PRDM16: variants seen among roughly 807,000 people sequenced by gnomAD.
PRDM16 encodes histone-lysine N-methyltransferase PRDM16.
Under a neutral mutation model 110.6 loss-of-function variants are expected in PRDM16, and 23 were observed. The observed-to-expected ratio is 0.21, with a 90% confidence interval of 0.15 to 0.29. The LOEUF is 0.29. PRDM16 is among the 10% of genes least tolerant of loss of function. The pLI, the probability that PRDM16 is intolerant of heterozygous loss-of-function variation, is 1.00. For synonymous variants in PRDM16, 799 were observed against 781.8 expected, an observed-to-expected ratio of 1.02 and a Z score of -0.37; for missense variants, 1,615 against 1,794.3, an observed-to-expected ratio of 0.90 and a Z score of 1.81.
rs1384827998 is a variant in PRDM16 at position 3,403,109 on chromosome 1, C to T, written c.884+111C>T. Reference sequence around the variant, plus strand: ...TCCTCCCCTCCCTTCCCCCGCCTCGCCCCCCAACAGGTGTAGACAAAGGGC... The same window carrying T: ...TCCTCCCCTCCCTTCCCCCGCCTCGTCCCCCAACAGGTGTAGACAAAGGGC... On this transcript the variant is annotated intron_variant, in intron 6 of 16. Coordinates refer to ENST00000270722, the MANE Select transcript of PRDM16 (RefSeq NM_022114.4). 2.1e-5 allele frequency: 20 copies of T among 965,936 alleles called. No homozygotes were observed. In the East Asian group the frequency reaches 5.3e-4, roughly 25 times the overall value. The allele number at this position is 965,936 out of a possible 1,614,324, so 59.8% of individuals were successfully genotyped here.
intron 3 of PRDM16, among the ~76,000 whole-genome samples, chr1:3,365,067 G>T (rs1184746417): frequency 2.0e-5 from 3 of 152,208 alleles, no homozygotes; most frequent in African/African-American, 7.2e-5. Flanking sequence ...TCTGAGCCAG[G>T]GACCCACTCG....
chr1:3,169,363 G>A (rs940051721), intron 1 of PRDM16, among the ~76,000 whole-genome samples: 3 of 152,104 alleles, frequency 2.0e-5, no homozygotes, highest in Non-Finnish European at 2.9e-5. Flanking sequence ...AACACCCTAC[G>A]GTTGCCATGG....
chr1:3,169,386 T>C (rs1226598307), intron 1 of PRDM16, among the ~76,000 whole-genome samples: 1 of 152,082 alleles, frequency 6.6e-6, no homozygotes, highest in Non-Finnish European at 1.5e-5. Flanking sequence ...GCCCCGTCCC[T>C]AGCGACTCTC....
intron 3 of PRDM16, among the ~76,000 whole-genome samples, chr1:3,356,271 C>T (rs1176629746): frequency 1.3e-5 from 2 of 152,168 alleles, no homozygotes; most frequent in African/African-American, 2.4e-5. Context: ...CCCCCCCCAG[C>T]CCCCCTGCGC....
chr1:3,198,080 C>T lies in PRDM16; in HGVS notation c.387+11606C>T, dbSNP rs930311251. The stretch of plus-strand genomic sequence containing the variant: ...TGCTCACAGGCCCGCTGAGGGGCAG[C>T]GACCTGAGGACAACTCCTGTGGGCT... On this transcript the variant is annotated intron_variant, in intron 2 of 16. Coordinates refer to ENST00000270722, the MANE Select transcript of PRDM16 (RefSeq NM_022114.4). Among the ~76,000 whole-genome samples, 7 of 152,196 alleles carry T rather than the reference C, an allele frequency of 4.6e-5. No homozygotes were observed. In the East Asian group the frequency reaches 7.7e-4, roughly 17 times the overall value.
chr1:3,403,556 G>C (rs960530612), intron 6 of PRDM16, among the ~76,000 whole-genome samples: 1 of 152,220 alleles, frequency 6.6e-6, no homozygotes, highest in Non-Finnish European at 1.5e-5. Flanking sequence ...AGGTGGCAGC[G>C]GACTGTCCCA....
rs74364637 is a variant in PRDM16, at chr1:3,097,801, G to A, written c.37+28505G>A. Reference sequence around the variant, plus strand: ...GAGGCAGCGCCTTCTGTTTGGCCTCGTGTAGAGAGATCCCAGGGGGGCCCA... The same window carrying A: ...GAGGCAGCGCCTTCTGTTTGGCCTCATGTAGAGAGATCCCAGGGGGGCCCA... On this transcript the variant is annotated intron_variant, in intron 1 of 16. Transcript: ENST00000270722. Among the ~76,000 whole-genome samples, 287 of 152,276 alleles carry A rather than the reference G, an allele frequency of 1.9e-3. 5 individuals carry two copies. In the East Asian group the frequency reaches 0.043, roughly 23 times the overall value.
chr1:3,202,406 C>A (rs957611603), intron 2 of PRDM16, among the ~76,000 whole-genome samples: 3 of 152,070 alleles, frequency 2.0e-5, no homozygotes, highest in African/African-American at 7.2e-5. Context: ...CTTGGCTGCC[C>A]TGTGGGGCCC....
intron 2 of PRDM16, among the ~76,000 whole-genome samples, chr1:3,226,746 A>G (rs1301872561): frequency 6.6e-6 from 1 of 152,182 alleles, no homozygotes; most frequent in Non-Finnish European, 1.5e-5. Flanking sequence ...ATTCACTTAA[A>G]TGCCGCAGAC....
intron 5 of PRDM16, among the ~76,000 whole-genome samples, chr1:3,399,671 T>C (rs1047530875): frequency 8.5e-5 from 13 of 152,242 alleles, no homozygotes; most frequent in Admixed American, 1.3e-4. Flanking sequence ...TCAGACTGCA[T>C]TCTCATTTGC....
rs1642531184 is a variant in PRDM16 at position 3,353,335 on chromosome 1, G to A, written c.439-31817G>A. Among the ~76,000 whole-genome samples the A allele has an allele frequency of 6.6e-6, 1 of 152,204 alleles. No homozygotes were observed. The highest frequency in any genetic ancestry group is 1.5e-5 in the Non-Finnish European group (1 of 68,030). ...CCTGCAGAAACCTGGCTCGGCCTGGGGGCTATGGCAGGGCCCTCATTGGGT... is the reference window on the plus strand; with the variant it reads ...CCTGCAGAAACCTGGCTCGGCCTGGAGGCTATGGCAGGGCCCTCATTGGGT... On this transcript the variant is annotated intron_variant, in intron 3 of 16. Transcript: ENST00000270722. The surrounding 1 kb of genome is among the most constrained non-coding windows in gnomAD (Gnocchi z 5.4).
chr1:3,079,189 CTG>C lies in PRDM16; in HGVS notation c.37+9896_37+9897del, dbSNP rs1185548728. On this transcript the variant is annotated intron_variant, in intron 1 of 16. Transcript: ENST00000270722. ...CTGCCCGGGCCTGTTTGGCCTCAGACTGTGCTCCCGAGTGAAGGCCGTGATGG... is the reference window on the plus strand; with the variant it reads ...CTGCCCGGGCCTGTTTGGCCTCAGACTGCTCCCGAGTGAAGGCCGTGATGG... Among the ~76,000 whole-genome samples the C allele has an allele frequency of 2.0e-5, 3 of 152,368 alleles. No individual in the cohort carries two copies. In the East Asian group the frequency reaches 5.8e-4, roughly 29 times the overall value.
chr1:3,097,903 G>A (rs1055034528), intron 1 of PRDM16, among the ~76,000 whole-genome samples: 1 of 152,100 alleles, frequency 6.6e-6, no homozygotes. Flanking sequence ...AAAGACCCAG[G>A]AGGCAGAATT....
chr1:3,368,390 C>A (rs1425727836), intron 3 of PRDM16, among the ~76,000 whole-genome samples: 1 of 152,164 alleles, frequency 6.6e-6, no homozygotes, highest in Non-Finnish European at 1.5e-5. Flanking sequence ...TCTGGCTGGG[C>A]CCCGGGCAGG....
rs1239257142 is a variant in PRDM16, at chr1:3,148,104, G to A, written c.38-38021G>A. Among the ~76,000 whole-genome samples, 1 of 152,106 alleles carries A rather than the reference G, an allele frequency of 6.6e-6. No individual in the cohort carries two copies. Among genetic ancestry groups the A allele is most frequent in the Non-Finnish European group, 1.5e-5 (1 of 68,016 alleles). On this transcript the variant is annotated intron_variant, in intron 1 of 16. Coordinates refer to ENST00000270722, the MANE Select transcript of PRDM16 (RefSeq NM_022114.4). This position sits in a 1 kb window ranked among gnomAD's most constrained non-coding sequence, Gnocchi z 5.0. ...TCTCGGGGGCCCTCTGTCCGCCTCAGTTGCAGGTGGTGGGGTGTGGTTGGG... is the reference window on the plus strand; with the variant it reads ...TCTCGGGGGCCCTCTGTCCGCCTCAATTGCAGGTGGTGGGGTGTGGTTGGG...
chr1:3,111,320 T>TG (rs1267490799), intron 1 of PRDM16, among the ~76,000 whole-genome samples: 1 of 151,942 alleles, frequency 6.6e-6, no homozygotes, highest in Non-Finnish European at 1.5e-5. Flanking sequence ...GATCCTGCAC[T>TG]GGGCAGTGGG....
Position 3,243,965 on chromosome 1 carries a change from A to AG in PRDM16, c.388-121dup. The AG allele has an allele frequency of 1.1e-6, 1 of 898,614 alleles. No individual in the cohort carries two copies. The highest frequency in any genetic ancestry group is 1.6e-5 in the African/African-American group (1 of 61,252). The allele number at this position is 898,614 out of a possible 1,614,324, so 55.7% of individuals were successfully genotyped here. ...AACCCTTCATTTCCTGCTGTGGAGA[A>AG]GCCACTGGGTCCCACCCTGTGACTT... is the stretch of plus-strand genomic sequence containing the variant. On this transcript the variant is annotated intron_variant, in intron 2 of 16. Coordinates refer to ENST00000270722, the MANE Select transcript of PRDM16 (RefSeq NM_022114.4). The surrounding 1 kb of genome is among the most constrained non-coding windows in gnomAD (Gnocchi z 5.5).
intron 3 of PRDM16, among the ~76,000 whole-genome samples, chr1:3,320,567 A>G (rs986718396): frequency 2.6e-5 from 4 of 152,186 alleles, no homozygotes; most frequent in African/African-American, 9.7e-5. Context: ...CAAAGTCTGC[A>G]TCTGTCCCCC....
chr1:3,342,811 C>T (rs566864429), intron 3 of PRDM16, among the ~76,000 whole-genome samples: 4 of 152,226 alleles, frequency 2.6e-5, no homozygotes, highest in Non-Finnish European at 4.4e-5. Context: ...TGCCACTGCA[C>T]TTGTCAGCTG....
Sources: gnomAD v4.1 joint callset for allele counts (sites outside exome capture counted in the v4.1 genomes callset) on GRCh38, gnomAD v4.1.1 for gene constraint, Gnocchi (gnomAD v3.1) non-coding constraint, MANE v1.5 for transcripts, NCBI Gene and HGNC (gene_info 2026-07-23, HGNC 2026-07-21) for gene names.